The following ROBO2 variants were observed in gnomAD, a reference collection of about 807,000 sequenced individuals.
ROBO2 encodes roundabout homolog 2.
In ROBO2, 53 loss-of-function variants were observed where a neutral mutation model predicts 160.8. The observed-to-expected ratio is 0.33, with a 90% CI of 0.26 to 0.41. The LOEUF (loss-of-function observed/expected upper bound fraction) is 0.41. ROBO2 is among the 10% of genes least tolerant of loss of function. The probability of loss-of-function intolerance (pLI) is 1.00; values close to 1 mark genes in which losing one functional copy is unlikely to be tolerated. For synonymous variants in ROBO2, 664 were observed against 611.7 expected, an observed-to-expected ratio of 1.09 and a Z score of -1.26; for missense variants, 1,577 against 1,722.4, an observed-to-expected ratio of 0.92 and a Z score of 1.49.
chr3:77,645,692 C>A (rs1297408739), intron 25 of ROBO2, among the ~76,000 whole-genome samples: 3 of 152,048 alleles, frequency 2.0e-5, no homozygotes, highest in African/African-American at 7.2e-5. Context: ...TTATAAATTT[C>A]TTTATTGATC....
chr3:76,980,514 T>C (rs935459547), intron 2 of ROBO2, among the ~76,000 whole-genome samples: 10 of 152,176 alleles, frequency 6.6e-5, no homozygotes, highest in African/African-American at 2.2e-4. Flanking sequence ...CCACAGATTA[T>C]ATTAATGGGA....
chr3:76,243,442 A>C (rs1432998847), intron 2 of ROBO2, among the ~76,000 whole-genome samples: 1 of 152,240 alleles, frequency 6.6e-6, no homozygotes, highest in Non-Finnish European at 1.5e-5. Context: ...GCAAAGAGAC[A>C]CATCTCTCAT....
At chr3:77,474,629 C>G (rs771841564) in intron 2 of ROBO2, among the ~76,000 whole-genome samples, 59 of 150,030 alleles carry the variant, frequency 3.9e-4, no homozygotes, top group Admixed American at 8.7e-4. Context: ...GTTTTCAGTT[C>G]TTTCTAGGGT....
chr3:77,026,500 T>G (rs1230236143), intron 2 of ROBO2, among the ~76,000 whole-genome samples: 2 of 152,200 alleles, frequency 1.3e-5, no homozygotes, highest in Admixed American at 6.5e-5. Context: ...TCACCATTTC[T>G]TATCATGGCT....
At chr3:76,587,230 C>T (rs2086102890) in intron 2 of ROBO2, among the ~76,000 whole-genome samples, 1 of 152,100 alleles carries the variant, frequency 6.6e-6, no homozygotes, top group Non-Finnish European at 1.5e-5. Flanking sequence ...TGCTTTTTCT[C>T]CACTTAATGT....
chr3:76,834,062 T>TTTTCTTTTCTTTC lies in ROBO2; in HGVS notation c.110-263945_110-263944insTCTTTCTTTCTTT, dbSNP rs1553651247. Among the ~76,000 whole-genome samples, 69 of 88,084 alleles carry TTTTCTTTTCTTTC rather than the reference T, an allele frequency of 7.8e-4. 2 individuals are homozygous for TTTTCTTTTCTTTC. Among genetic ancestry groups the TTTTCTTTTCTTTC allele is most frequent in the East Asian group, 3.0e-3 (8 of 2,694 alleles). The allele number at this position is 88,084 out of a possible 152,430, so 57.8% of individuals were successfully genotyped here. On this transcript the variant is annotated intron_variant, in intron 2 of 26. Transcript: ENST00000487694. Reference sequence around the variant, plus strand: ...TTCCTTTCTTTCTCTCCTTTCTTTCTTTTCTTTCTTTCTTTCTTTCTTTCT... The same window carrying TTTTCTTTTCTTTC: ...TTCCTTTCTTTCTCTCCTTTCTTTCTTTTCTTTTCTTTCTTTCTTTCTTTCTTTCTTTCTTTCT...
At chr3:76,966,737 A>T (rs947053660) in intron 2 of ROBO2, among the ~76,000 whole-genome samples, 1 of 152,214 alleles carries the variant, frequency 6.6e-6, no homozygotes, top group African/African-American at 2.4e-5. Context: ...AATGAAGCTA[A>T]TAATAGAACT....
At chr3:77,511,733 A>G (rs1468443545) in intron 5 of ROBO2, among the ~76,000 whole-genome samples, 1 of 151,954 alleles carries the variant, frequency 6.6e-6, no homozygotes, top group Non-Finnish European at 1.5e-5. Context: ...TAATTAAGAC[A>G]AGATAAGGAT....
intron 2 of ROBO2, among the ~76,000 whole-genome samples, chr3:76,619,168 G>A (rs967764206): frequency 6.6e-5 from 10 of 151,476 alleles, no homozygotes; most frequent in African/African-American, 2.2e-4. Flanking sequence ...GTGAAACCCC[G>A]TCTCTACTAA....
chr3:76,947,110 C>G (rs1350635073), intron 2 of ROBO2, among the ~76,000 whole-genome samples: 1 of 152,068 alleles, frequency 6.6e-6, no homozygotes, highest in African/African-American at 2.4e-5. Context: ...TAAACATTTC[C>G]ACTTCTTTTA....
intron 2 of ROBO2, among the ~76,000 whole-genome samples, chr3:75,974,411 C>A (rs1481362759): frequency 1.3e-5 from 2 of 151,514 alleles, no homozygotes; most frequent in African/African-American, 2.4e-5. Context: ...ATATTATGCA[C>A]CCCATATTTT....
chr3:75,955,493 G>C (rs550127921), intron 2 of ROBO2, among the ~76,000 whole-genome samples: 8 of 151,624 alleles, frequency 5.3e-5, no homozygotes, highest in South Asian at 2.1e-4. Context: ...TAATGTTTAG[G>C]GGGGAGGGGA....
intron 2 of ROBO2, among the ~76,000 whole-genome samples, chr3:76,681,378 T>C (rs1209931643): frequency 1.3e-5 from 2 of 152,130 alleles, no homozygotes; most frequent in African/African-American, 4.8e-5. Flanking sequence ...TCTAAGCACT[T>C]TGCATTCAAC....
At chr3:77,322,045 T>G (rs1473815099) in intron 2 of ROBO2, among the ~76,000 whole-genome samples, 1 of 151,386 alleles carries the variant, frequency 6.6e-6, no homozygotes, top group African/African-American at 2.4e-5. Context: ...TGAGGGAGAC[T>G]TGTTGTTAAT....
intron 2 of ROBO2, among the ~76,000 whole-genome samples, chr3:76,526,405 T>C (rs2081948806): frequency 6.6e-6 from 1 of 151,988 alleles, no homozygotes; most frequent in Non-Finnish European, 1.5e-5. Flanking sequence ...TTTTACCTGA[T>C]TTCAGGGTCA....
chr3:76,130,274 A>G (rs1408513345), intron 2 of ROBO2, among the ~76,000 whole-genome samples: 1 of 152,130 alleles, frequency 6.6e-6, no homozygotes, highest in Non-Finnish European at 1.5e-5. Context: ...TATTTATTGC[A>G]ACATCAGTTT....
At chr3:76,277,283 T>G (rs1376693658) in intron 2 of ROBO2, among the ~76,000 whole-genome samples, 2 of 151,976 alleles carry the variant, frequency 1.3e-5, no homozygotes, top group African/African-American at 4.8e-5. Context: ...TCAGAATACA[T>G]GTATCAGCTG....
chr3:76,754,958 C>T (rs2060885010), intron 2 of ROBO2, among the ~76,000 whole-genome samples: 2 of 151,780 alleles, frequency 1.3e-5, no homozygotes, highest in Non-Finnish European at 2.9e-5. Flanking sequence ...AACACAATGG[C>T]TATTTAGGTA....
At chr3:75,985,957 C>T (rs1393917166) in intron 2 of ROBO2, among the ~76,000 whole-genome samples, 1 of 151,684 alleles carries the variant, frequency 6.6e-6, no homozygotes, top group African/African-American at 2.4e-5. Flanking sequence ...TTGAGAGACA[C>T]TTGGATTGCT....
Sources: gnomAD v4.1 joint callset for allele counts (sites outside exome capture counted in the v4.1 genomes callset) on GRCh38, gnomAD v4.1.1 for gene constraint, MANE v1.5 for transcripts, NCBI Gene and HGNC (gene_info 2026-07-23, HGNC 2026-07-21) for gene names.